Variants in GALNT17 observed in about 807,000 individuals in gnomAD.
GALNT17 encodes the protein UDP-GalNAc:polypeptide N-acetylgalactosaminyltransferase-like 3.
A neutral mutation model predicts 63.7 loss-of-function variants in GALNT17; 29 were observed. The ratio of observed to expected loss-of-function variants is 0.46; its 90% confidence interval spans 0.34 to 0.62. GALNT17 has a LOEUF of 0.62. Among genes scored for constraint, GALNT17 ranks in the 20% least tolerant of loss-of-function variants. The pLI, the probability that GALNT17 is intolerant of heterozygous loss-of-function variation, is 0.01. For synonymous variants in GALNT17, 305 were observed against 318.3 expected, an observed-to-expected ratio of 0.96 and a Z score of 0.45; for missense variants, 603 against 799.6, an observed-to-expected ratio of 0.75 and a Z score of 2.97.
intron 1 of GALNT17, among the ~76,000 whole-genome samples, chr7:71,326,046 G>GT (rs915821531): frequency 1.3e-5 from 2 of 151,380 alleles, no homozygotes; most frequent in Admixed American, 6.6e-5. Flanking sequence ...TCTGTCTTTT[G>GT]TTTTTTTAAA....
intron 1 of GALNT17, among the ~76,000 whole-genome samples, chr7:71,276,337 T>A (rs951987608): frequency 1.4e-4 from 21 of 152,130 alleles, no homozygotes; most frequent in African/African-American, 4.8e-4. Flanking sequence ...GGAAAAGAAA[T>A]CATTCTATTT....
chr7:71,671,874 T>TA (rs1319068273), intron 8 of GALNT17, among the ~76,000 whole-genome samples: 2 of 151,914 alleles, frequency 1.3e-5, no homozygotes, highest in Admixed American at 6.6e-5. Flanking sequence ...ATATATATAT[T>TA]AAAAAACTAG....
chr7:71,315,662 A>G (rs1791486636), intron 1 of GALNT17, among the ~76,000 whole-genome samples: 1 of 152,184 alleles, frequency 6.6e-6, no homozygotes, highest in South Asian at 2.1e-4. Context: ...AAAAACATGC[A>G]ATCACTGAGG....
intron 3 of GALNT17, among the ~76,000 whole-genome samples, chr7:71,394,423 G>A (rs546390354): frequency 3.3e-5 from 5 of 152,148 alleles, no homozygotes; most frequent in East Asian, 1.9e-4. Flanking sequence ...CATATCACTC[G>A]GCCCCCTCCC....
intron 1 of GALNT17, among the ~76,000 whole-genome samples, chr7:71,281,674 A>G (rs908156904): frequency 6.6e-6 from 1 of 152,172 alleles, no homozygotes; most frequent in Non-Finnish European, 1.5e-5. Flanking sequence ...GCCCTCTCTG[A>G]AGTCTACTGC....
At chr7:71,558,983 A>C (rs1200996015) in intron 5 of GALNT17, among the ~76,000 whole-genome samples, 1 of 152,204 alleles carries the variant, frequency 6.6e-6, no homozygotes, top group African/African-American at 2.4e-5. Flanking sequence ...AATGCTCTTA[A>C]TTCCTTGACA....
At chr7:71,653,833 T>G (rs1461612860) in intron 6 of GALNT17, among the ~76,000 whole-genome samples, 2 of 152,118 alleles carry the variant, frequency 1.3e-5, no homozygotes, top group Non-Finnish European at 1.5e-5. Flanking sequence ...AGAACATTAG[T>G]GCTCCCTCAT....
intron 1 of GALNT17, among the ~76,000 whole-genome samples, chr7:71,186,832 T>C (rs1788859513): frequency 6.6e-6 from 1 of 152,176 alleles, no homozygotes; most frequent in Admixed American, 6.6e-5. Flanking sequence ...GGAAAATGAA[T>C]ATTTTCCCTA....
At chr7:71,411,650 C>T (rs1425817568) in intron 3 of GALNT17, among the ~76,000 whole-genome samples, 1 of 152,186 alleles carries the variant, frequency 6.6e-6, no homozygotes, top group Admixed American at 6.5e-5. Flanking sequence ...GGAAGTCCCT[C>T]TTGAGATGTC....
chr7:71,200,946 A>G (rs1186282628), intron 1 of GALNT17, among the ~76,000 whole-genome samples: 2 of 151,934 alleles, frequency 1.3e-5, no homozygotes, highest in Non-Finnish European at 2.9e-5. Context: ...ATGTATTATT[A>G]TTCTGATTAT....
chr7:71,528,583 G>A (rs1788663957), intron 5 of GALNT17, among the ~76,000 whole-genome samples: 1 of 152,130 alleles, frequency 6.6e-6, no homozygotes, highest in Non-Finnish European at 1.5e-5. Context: ...TTAGGGAAGG[G>A]GCAGGAGTAA....
intron 9 of GALNT17, among the ~76,000 whole-genome samples, chr7:71,679,113 A>T (rs989218221): frequency 6.6e-6 from 1 of 152,118 alleles, no homozygotes; most frequent in African/African-American, 2.4e-5. Context: ...CTCTGTAGGG[A>T]AATGGGGATG....
Position 71,667,983 on chromosome 7 carries a change from G to C in GALNT17, c.1267-1989G>C, listed in dbSNP as rs374627003. The stretch of plus-strand genomic sequence containing the variant: ...CTGTCTAACTTCCGTATTTTTTGTA[G>C]AGACAAGGTTTTGCCACGTTGCCCA... On this transcript the variant is annotated intron_variant, in intron 7 of 10. Coordinates refer to ENST00000333538, the MANE Select transcript of GALNT17 (RefSeq NM_022479.3). Among the ~76,000 whole-genome samples, 280 of 152,100 alleles carry C rather than the reference G, an allele frequency of 1.8e-3. 1 individual carries two copies. Among genetic ancestry groups the C allele is most frequent in the African/African-American group, 5.8e-3 (242 of 41,504 alleles).
intron 1 of GALNT17, among the ~76,000 whole-genome samples, chr7:71,287,844 G>A (rs368217007): frequency 4.7e-4 from 71 of 152,202 alleles, no homozygotes; most frequent in Middle Eastern, 6.8e-3. Flanking sequence ...CTGAGGTCAG[G>A]AGTTTGAGAC....
chr7:71,431,451 ACACCCTCCTCAGCCTCC>A (rs1212689279), intron 5 of GALNT17, among the ~76,000 whole-genome samples: 1 of 151,900 alleles, frequency 6.6e-6, no homozygotes, highest in East Asian at 1.9e-4. Flanking sequence ...CTCAAGTGAT[ACACCCTCCTCAGCCTCC>A]CAAAGTGCTG....
At chr7:71,626,804 C>T (rs1437307241) in intron 6 of GALNT17, among the ~76,000 whole-genome samples, 1 of 152,228 alleles carries the variant, frequency 6.6e-6, no homozygotes, top group Non-Finnish European at 1.5e-5. Context: ...TGCTTACTCT[C>T]ATGCTGAGCC....
chr7:71,687,760 A>G (rs1238905206), intron 9 of GALNT17, among the ~76,000 whole-genome samples: 1 of 152,184 alleles, frequency 6.6e-6, no homozygotes, highest in East Asian at 1.9e-4. Context: ...ATATTTCATG[A>G]CAAGGTCTTG....
chr7:71,416,303 A>G (rs962327546), intron 4 of GALNT17, among the ~76,000 whole-genome samples: 19 of 152,190 alleles, frequency 1.2e-4, no homozygotes, highest in Non-Finnish European at 2.5e-4. Context: ...CATCGTCATC[A>G]AAATCCCCAG....
chr7:71,298,711 GGTGTGTGT>G (rs10602909), intron 1 of GALNT17, among the ~76,000 whole-genome samples: 51,365 of 141,462 alleles, frequency 0.36, 9,465 homozygotes, highest in Non-Finnish European at 0.43. Flanking sequence ...ATTCCAGTGG[GGTGTGTGT>G]GTGTGTGTGT....
Sources: allele counts gnomAD v4.1 joint callset (sites outside exome capture counted in the v4.1 genomes callset), GRCh38; gene constraint gnomAD v4.1.1; transcripts MANE v1.5; gene names NCBI Gene and HGNC (gene_info 2026-07-23, HGNC 2026-07-21).